TMCO4: variants seen among roughly 807,000 people sequenced by gnomAD.
TMCO4 encodes transmembrane and coiled-coil domains 4.
Under a neutral mutation model 64.7 loss-of-function variants are expected in TMCO4, and 58 were observed. The ratio of observed to expected loss-of-function variants is 0.90; its 90% CI spans 0.73 to 1.12. The LOEUF is 1.12. Ranked by LOEUF, TMCO4 falls within the 50% of genes most tolerant of loss-of-function variation. The pLI is 0.00. For missense variants in TMCO4, 780 were observed against 825.9 expected, an observed-to-expected ratio of 0.94 and a Z score of 0.68; for synonymous variants, 325 against 346.1, an observed-to-expected ratio of 0.94 and a Z score of 0.68.
In TMCO4 at chr1:19,799,911, C is replaced by A; in HGVS notation, c.-236G>T. On this transcript the variant is annotated 5_prime_UTR_variant, in exon 1 of 16. Coordinates refer to ENST00000294543, the MANE Select transcript of TMCO4 (RefSeq NM_181719.7). ...CGGCAAAACCGGCGAGCGGCTCCTCCCGCCCGGCCCGGCCCGGCCCCTCCC... is the reference window on the plus strand; with the variant it reads ...CGGCAAAACCGGCGAGCGGCTCCTCACGCCCGGCCCGGCCCGGCCCCTCCC... The A allele has an allele frequency of 6.6e-6, 1 of 151,788 alleles. No homozygotes were observed. The highest frequency in any genetic ancestry group is 1.8e-4 in the South Asian group (1 of 5,474). 9.4% of individuals were successfully genotyped at this position (151,788 alleles called of 1,614,324 possible).
rs142990957 is a variant in TMCO4 at position 19,739,785 on chromosome 1, C to T, written c.1179+39G>A. 6,345 of 1,600,128 alleles carry T rather than the reference C, an allele frequency of 4.0e-3. 44 individuals carry two copies. The highest frequency in any genetic ancestry group is 0.028 in the Middle Eastern group (146 of 5,196). On this transcript the variant is annotated intron_variant, in intron 12 of 15. Transcript: ENST00000294543. Reference sequence around the variant, plus strand: ...AACAAGTCAGCACCTGACTTCCCCTCTTGCTCAATGCCACGCCCACACAGC... The same window carrying T: ...AACAAGTCAGCACCTGACTTCCCCTTTTGCTCAATGCCACGCCCACACAGC...
chr1:19,687,039 C>A (rs2095154883), intron 15 of TMCO4, among the ~76,000 whole-genome samples: 1 of 151,918 alleles, frequency 6.6e-6, no homozygotes, highest in African/African-American at 2.4e-5. Context: ...GCAACCTCTG[C>A]CTTCCAGGTG....
chr1:19,735,984 C>T (rs1557535807), intron 13 of TMCO4, among the ~76,000 whole-genome samples: 1 of 152,156 alleles, frequency 6.6e-6, no homozygotes, highest in Non-Finnish European at 1.5e-5. Flanking sequence ...GCACCGATGG[C>T]CAGATACACG....
intron 13 of TMCO4, among the ~76,000 whole-genome samples, chr1:19,702,039 G>A (rs200246540): frequency 6.6e-6 from 1 of 151,870 alleles, no homozygotes; most frequent in African/African-American, 2.4e-5. Flanking sequence ...GCGCAATCTC[G>A]GCTCACTGCA....
chr1:19,747,371 C>G (rs775626937), intron 7 of TMCO4, 111 bp from the exon 8 acceptor site: 32 of 940,470 alleles, frequency 3.4e-5, no homozygotes, highest in Non-Finnish European at 4.6e-5. Context: ...TACTCTGCCA[C>G]TCAGAGTAAG....
At position 19,688,143 on chromosome 1, in the gene TMCO4, G is replaced by A. The variant is rs556768299; in HGVS notation, c.1501-4699C>T. Among the ~76,000 whole-genome samples, 12 of 152,276 alleles carry A rather than the reference G, an allele frequency of 7.9e-5. No individual in the cohort carries two copies. The East Asian group carries it at 1.9e-3, about 25-fold the overall frequency. ...TGTGACTGGCGTGCAGAAGCCTTCC[G>A]TGGCTTCCCGTGTTGGCAGGGGCCT... On this transcript the variant is annotated intron_variant, in intron 15 of 15. Coordinates refer to ENST00000294543, the MANE Select transcript of TMCO4 (RefSeq NM_181719.7).
At chr1:19,777,847 C>T (rs543897832) in intron 4 of TMCO4, among the ~76,000 whole-genome samples, 10 of 152,256 alleles carry the variant, frequency 6.6e-5, no homozygotes, top group South Asian at 4.1e-4. Context: ...GAGGCCAGCC[C>T]AGGCAGCATT....
At chr1:19,719,302 G>T (rs1471946489) in intron 13 of TMCO4, among the ~76,000 whole-genome samples, 1 of 152,214 alleles carries the variant, frequency 6.6e-6, no homozygotes, top group Admixed American at 6.5e-5. Flanking sequence ...GAAGAAGTCA[G>T]GTTGAGATGG....
chr1:19,705,887 C>A (rs1009420555), intron 13 of TMCO4, among the ~76,000 whole-genome samples: 1 of 152,080 alleles, frequency 6.6e-6, no homozygotes, highest in Admixed American at 6.6e-5. Flanking sequence ...AATCCTCACT[C>A]GGGTACCACT....
chr1:19,722,467 G>A (rs900279080), intron 13 of TMCO4, among the ~76,000 whole-genome samples: 2 of 152,170 alleles, frequency 1.3e-5, no homozygotes, highest in Admixed American at 1.3e-4. Context: ...TCCTTAAGAG[G>A]TGGGTATCGT....
intron 2 of TMCO4, among the ~76,000 whole-genome samples, chr1:19,789,109 A>C (rs928683360): frequency 6.6e-6 from 1 of 150,778 alleles, no homozygotes; most frequent in Non-Finnish European, 1.5e-5. Flanking sequence ...AAAAAACAAC[A>C]ACCATGTTTC....
At chr1:19,702,285 C>CAA (rs71010505) in intron 13 of TMCO4, among the ~76,000 whole-genome samples, 12 of 102,914 alleles carry the variant, frequency 1.2e-4, no homozygotes, top group East Asian at 2.9e-4. Flanking sequence ...CTTGTCTTTA[C>CAA]AAAAAAAAAA....
chr1:19,794,781 T>C (rs903220905), intron 2 of TMCO4, among the ~76,000 whole-genome samples: 3 of 152,152 alleles, frequency 2.0e-5, no homozygotes, highest in Non-Finnish European at 4.4e-5. Flanking sequence ...CAACAAAATA[T>C]GATATATACA....
At chr1:19,744,356 T>C (rs755826331) in intron 10 of TMCO4, among the ~76,000 whole-genome samples, 2 of 152,220 alleles carry the variant, frequency 1.3e-5, no homozygotes, top group Non-Finnish European at 2.9e-5. Flanking sequence ...GTTTGCTTCA[T>C]GCCAACGAGA....
At chr1:19,798,849 G>T (rs1032113288) in intron 1 of TMCO4, among the ~76,000 whole-genome samples, 1 of 152,210 alleles carries the variant, frequency 6.6e-6, no homozygotes, top group East Asian at 1.9e-4. Flanking sequence ...CACACAGTAG[G>T]TGCTCAACAA....
chr1:19,740,791 T>C lies in TMCO4; in HGVS notation c.1028A>G (p.Tyr343Cys). 6.2e-7 allele frequency: 1 copy of C among 1,612,370 alleles called. No homozygotes were observed. The highest frequency in any genetic ancestry group is 8.5e-7 in the Non-Finnish European group (1 of 1,179,106). ...GGGGCACTTACCAGACAACACTGTG[T>C]ACTTTAGGGCCTCCTGGGCCACCAT... is the stretch of plus-strand genomic sequence containing the variant. ...ANMVAQEALK[Y>C]TVLSGIVAAL... Residue 343 changes from tyrosine (Y) to cysteine (C), a missense_variant, in exon 11 of 16, where the codon TAC becomes TGC. Tyr to Cys is a radical substitution (Grantham distance 194). Coordinates refer to ENST00000294543, the MANE Select transcript of TMCO4 (RefSeq NM_181719.7).
chr1:19,754,371 C>T (rs1396988430), intron 7 of TMCO4, among the ~76,000 whole-genome samples: 2 of 152,304 alleles, frequency 1.3e-5, no homozygotes, highest in East Asian at 1.9e-4. Context: ...TATTTCTATA[C>T]TGACACAACT....
intron 13 of TMCO4, among the ~76,000 whole-genome samples, chr1:19,713,103 C>T (rs907578133): frequency 4.1e-4 from 62 of 152,268 alleles, no homozygotes; most frequent in Middle Eastern, 3.4e-3. Flanking sequence ...TGGCATGATG[C>T]GATTTCCTGT....
chr1:19,773,832 T>C (rs2101036900), intron 4 of TMCO4, among the ~76,000 whole-genome samples: 1 of 152,246 alleles, frequency 6.6e-6, no homozygotes, highest in Middle Eastern at 3.4e-3. Flanking sequence ...CTAGTATCGT[T>C]ATTTTGATTT....
Sources: allele counts gnomAD v4.1 joint callset (sites outside exome capture counted in the v4.1 genomes callset), GRCh38; gene constraint gnomAD v4.1.1; transcripts MANE v1.5; gene names NCBI Gene and HGNC (gene_info 2026-07-23, HGNC 2026-07-21).